Variants in SPINT1 observed in about 807,000 individuals in gnomAD.
The protein encoded by SPINT1 is serine peptidase inhibitor, Kunitz type 1.
A neutral mutation model predicts 53.7 loss-of-function variants in SPINT1; 38 were observed. The ratio of observed to expected loss-of-function variants is 0.71; its 90% CI spans 0.55 to 0.93. The LOEUF (loss-of-function observed/expected upper bound fraction) is 0.93, where lower values mean the gene tolerates loss of function less well. Among genes scored for constraint, SPINT1 ranks in the 40% least tolerant of loss-of-function variants. SPINT1 has a pLI of 0.00. For synonymous variants in SPINT1, 283 were observed against 280.6 expected (o/e 1.01, Z -0.08); for missense variants, 645 against 692.9 (o/e 0.93, Z 0.78).
At chr15:40,849,004 T>TG (rs1170713838) in intron 2 of SPINT1, among the ~76,000 whole-genome samples, 1 of 151,758 alleles carries the variant, frequency 6.6e-6, no homozygotes, top group Non-Finnish European at 1.5e-5. Flanking sequence ...CCCAGAACTT[T>TG]GGGAGGCCGG....
chr15:40,851,441 G>A (rs543719671), intron 2 of SPINT1, among the ~76,000 whole-genome samples: 6 of 152,038 alleles, frequency 3.9e-5, no homozygotes, highest in Non-Finnish European at 7.4e-5. Flanking sequence ...GTGAGCCACC[G>A]CGCCCAGCTG....
chr15:40,856,124 C>T, intron 9 of SPINT1, 62 bp downstream of exon 9: 3 of 1,602,090 alleles, frequency 1.9e-6, no homozygotes, highest in Non-Finnish European at 1.7e-6. Context: ...GGCCTCCACT[C>T]TGTCCCCAGG....
In SPINT1 at chr15:40,844,517, C is replaced by T. The variant is rs1338809263; in HGVS notation, c.-38C>T. On this transcript the variant is annotated 5_prime_UTR_variant, in exon 2 of 11. Transcript: ENST00000562057. This position sits in a 1 kb window ranked among gnomAD's most constrained non-coding sequence, Gnocchi z 5.8. ...CACCAGCACCCTCGGAACCCAGAGG[C>T]CCGCGCTCTGAAGGTGACCCCCCTG... 6.3e-7 allele frequency: 1 copy of T among 1,591,970 alleles called. No homozygotes were observed. Among genetic ancestry groups the T allele is most frequent in the Admixed American group, 1.7e-5 (1 of 59,970 alleles).
At chr15:40,849,932 C>T (rs1302890643) in intron 2 of SPINT1, among the ~76,000 whole-genome samples, 1 of 152,184 alleles carries the variant, frequency 6.6e-6, no homozygotes, top group Non-Finnish European at 1.5e-5. Context: ...CTGCTCAGCT[C>T]TGCTGTTGTT....
intron 10 of SPINT1, 128 bp downstream of exon 10, chr15:40,856,451 C>G: frequency 8.2e-7 from 1 of 1,221,128 alleles, no homozygotes. Context: ...GACAGAGTAC[C>G]GTAATCAAAT....
In SPINT1 at chr15:40,856,797, TC is replaced by T. The variant is rs1891656156; in HGVS notation, c.1366del (p.Leu456TrpfsTer9). 1 of 1,614,056 alleles carries T rather than the reference TC, an allele frequency of 6.2e-7. No individual in the cohort carries two copies. Among genetic ancestry groups the T allele is most frequent in the South Asian group, 1.1e-5 (1 of 91,088 alleles). ...TGSVEMAVAV[F>X]LVICIVVVVA... The stretch of plus-strand genomic sequence containing the variant: ...TCTGTGGAGATGGCTGTCGCAGTGT[TC>T]CTGGTCATCTGCATTGTGGTGGTGG... On this transcript the variant is annotated frameshift_variant, in exon 11 of 11. Transcript: ENST00000562057. LOFTEE classifies it high-confidence loss of function.
chr15:40,847,674 C>T (rs1566853160), intron 2 of SPINT1, among the ~76,000 whole-genome samples: 1 of 152,074 alleles, frequency 6.6e-6, no homozygotes, highest in East Asian at 1.9e-4. Context: ...CCTTTGCTCT[C>T]TTGCGGGTGG....
chr15:40,853,050 C>A, intron 2 of SPINT1, 74 bp from the exon 3 acceptor site: 1 of 1,552,962 alleles, frequency 6.4e-7, no homozygotes, highest in Non-Finnish European at 8.7e-7. Flanking sequence ...ACTTTCACCA[C>A]CCCACTTTGC....
Position 40,857,406 on chromosome 15 carries a change from TAA to T in SPINT1, c.*433_*434del, listed in dbSNP as rs1009813377. On this transcript the variant is annotated 3_prime_UTR_variant, in exon 11 of 11. Transcript: ENST00000562057. ...GGACTTCCCTGTGTAGTTTGTGCTG[TAA>T]AGAGTTGCTTTTTGTTTATTTAATG... 5 of 174,812 alleles carry T rather than the reference TAA, an allele frequency of 2.9e-5. No homozygotes were observed. Among genetic ancestry groups the T allele is most frequent in the African/African-American group, 1.2e-4 (5 of 42,162 alleles). 10.8% of individuals were successfully genotyped at this position (174,812 alleles called of 1,614,324 possible).
At position 40,844,598 on chromosome 15, in the gene SPINT1, C is replaced by G; in HGVS notation, c.44C>G (p.Ala15Gly). 6.2e-7 allele frequency: 1 copy of G among 1,609,948 alleles called. No homozygotes were observed. The highest frequency in any genetic ancestry group is 8.5e-7 in the Non-Finnish European group (1 of 1,178,830). ...ATGGCCCGCGCCCGCCTCGCCCCGG[C>G]CGGCATCCCTGCCGTCGCCTTGTGG... ...RTMARARLAP[A>G]GIPAVALWLL... is the part of the protein sequence containing the mutation. The change falls in exon 2 of 11, where the codon GCC becomes GGC. Residue 15 changes from alanine (A) to glycine (G), a missense_variant. By Grantham distance (60) the Ala-to-Gly change is moderately conservative (BLOSUM62 0). Coordinates refer to ENST00000562057, the MANE Select transcript of SPINT1 (RefSeq NM_003710.4). This position sits in a 1 kb window ranked among gnomAD's most constrained non-coding sequence, Gnocchi z 5.8.
Position 40,857,216 on chromosome 15 carries a change from G to A in SPINT1, c.*241G>A. 1.7e-6 allele frequency: 1 copy of A among 576,824 alleles called. No individual in the cohort carries two copies. The highest frequency in any genetic ancestry group is 3.0e-6 in the Non-Finnish European group (1 of 330,014). 35.7% of individuals were successfully genotyped at this position (576,824 alleles called of 1,614,324 possible). ...AGTACCAGACTAGATGGACCTGCCT[G>A]CATAGGAGTTTGGAGGAAGTTGGAG... is the stretch of plus-strand genomic sequence containing the variant. On this transcript the variant is annotated 3_prime_UTR_variant, in exon 11 of 11. Transcript: ENST00000562057.
intron 2 of SPINT1, among the ~76,000 whole-genome samples, chr15:40,847,925 C>T (rs1891345228): frequency 6.6e-6 from 1 of 151,996 alleles, no homozygotes; most frequent in Non-Finnish European, 1.5e-5. Context: ...TGCGCTCCTC[C>T]CAGCTCGCTA....
At position 40,854,491 on chromosome 15, in the gene SPINT1, C is replaced by A; in HGVS notation, c.1035C>A (p.Pro345=). 1 of 1,613,400 alleles carries A rather than the reference C, an allele frequency of 6.2e-7. No individual in the cohort carries two copies. Among genetic ancestry groups the A allele is most frequent in the Middle Eastern group, 1.7e-4 (1 of 6,056 alleles). ...AGTGTGACGACACCCCCAACTGCCCCGACGCCTCCGACGAGGCTGCCTGTG... is the reference window on the plus strand; with the variant it reads ...AGTGTGACGACACCCCCAACTGCCCAGACGCCTCCGACGAGGCTGCCTGTG... ...FLECDDTPNC[P]DASDEAACEK... The change falls in exon 7 of 11, where the codon CCC becomes CCA. Residue 345 remains proline (P), a synonymous_variant. Transcript: ENST00000562057.
intron 2 of SPINT1, among the ~76,000 whole-genome samples, chr15:40,852,635 G>C (rs1307137554): frequency 6.7e-6 from 1 of 149,468 alleles, no homozygotes; most frequent in African/African-American, 2.4e-5. Context: ...GTCTGTGTGT[G>C]TGTGTGTGTG....
chr15:40,854,820 C>A, intron 8 of SPINT1, 131 bp downstream of exon 8: 1 of 1,142,092 alleles, frequency 8.8e-7, no homozygotes, highest in Non-Finnish European at 1.3e-6. Context: ...AGGGTGGGCT[C>A]CCCGTTCTCC....
Position 40,858,161 on chromosome 15 carries a change from G to A in SPINT1, c.*1186G>A, listed in dbSNP as rs1891714008. The A allele has an allele frequency of 7.0e-6, 1 of 143,314 alleles. No homozygotes were observed. The highest frequency in any genetic ancestry group is 2.8e-5 in the African/African-American group (1 of 36,068). 8.9% of individuals were successfully genotyped at this position (143,314 alleles called of 1,614,324 possible). ...AACCCACACCCCTGCATTTGTTCAA[G>A]CTACCTCCCGGTGCCAAAAAAAAAA... is the stretch of plus-strand genomic sequence containing the variant. On this transcript the variant is annotated 3_prime_UTR_variant, in exon 11 of 11. Transcript: ENST00000562057.
intron 2 of SPINT1, 149 bp from the exon 3 acceptor site, chr15:40,852,975 T>G: frequency 1.1e-6 from 1 of 898,988 alleles, no homozygotes. Flanking sequence ...GCTGGTTCTG[T>G]TGGGGGCTCC....
At chr15:40,856,144 G>A (rs1253785724) in intron 9 of SPINT1, 82 bp downstream of exon 9, 3 of 1,592,942 alleles carry the variant, frequency 1.9e-6, no homozygotes, top group African/African-American at 1.3e-5. Context: ...GCCTTTGGGA[G>A]TCACCCCTCC....
Position 40,852,489 on chromosome 15 carries a change from T to A in SPINT1, c.476-635T>A, listed in dbSNP as rs544226895. Among the ~76,000 whole-genome samples the A allele has an allele frequency of 7.9e-4, 121 of 152,218 alleles. 1 individual carries two copies. The highest frequency in any genetic ancestry group is 2.9e-3 in the African/African-American group (119 of 41,534). On this transcript the variant is annotated intron_variant, in intron 2 of 10. Coordinates refer to ENST00000562057, the MANE Select transcript of SPINT1 (RefSeq NM_003710.4). Reference sequence around the variant, plus strand: ...CCCACCCCCATGCCTGACCCTGAGGTGGGGAAGCCTCAGACACAGGCACTG... The same window carrying A: ...CCCACCCCCATGCCTGACCCTGAGGAGGGGAAGCCTCAGACACAGGCACTG...
Sources: allele counts gnomAD v4.1 joint callset (sites outside exome capture counted in the v4.1 genomes callset), GRCh38; gene constraint gnomAD v4.1.1; non-coding constraint Gnocchi (gnomAD v3.1); transcripts MANE v1.5; gene names NCBI Gene and HGNC (gene_info 2026-07-23, HGNC 2026-07-21).